The following FAM81A variants were observed in gnomAD, a reference collection of about 807,000 sequenced individuals.
The protein encoded by FAM81A is family with sequence similarity 81 member A.
FAM81A carries 19 observed loss-of-function variants against 46.7 expected under a neutral mutation model. The observed-to-expected ratio is 0.41, with a 90% CI of 0.28 to 0.60. The LOEUF is 0.60. Ranked by LOEUF, FAM81A falls within the 20% of genes least tolerant of loss-of-function variation. The pLI is 0.34. For synonymous variants in FAM81A, 183 were observed against 152.9 expected, an observed-to-expected ratio of 1.20 and a Z score of -1.45; for missense variants, 377 against 453.5, an observed-to-expected ratio of 0.83 and a Z score of 1.53.
chr15:59,415,558 A>G (rs2081143220), intron 2 of FAM81A, among the ~76,000 whole-genome samples: 2 of 152,286 alleles, frequency 1.3e-5, no homozygotes, highest in South Asian at 2.1e-4. Context: ...TCATGTGCCA[A>G]AGAATGCAGG....
At chr15:59,489,790 G>A (rs569866313) in intron 3 of FAM81A, among the ~76,000 whole-genome samples, 1 of 152,190 alleles carries the variant, frequency 6.6e-6, no homozygotes, top group African/African-American at 2.4e-5. Context: ...AAGGAGCCAT[G>A]ATCATGCAAT....
In FAM81A at chr15:59,423,156, G is replaced by T. The variant is rs543016456; in HGVS notation, c.-78+20798G>T. Among the ~76,000 whole-genome samples, 375 of 152,166 alleles carry T rather than the reference G, an allele frequency of 2.5e-3. 2 individuals are homozygous for T. The highest frequency in any genetic ancestry group is 8.7e-3 in the African/African-American group (360 of 41,502). On this transcript the variant is annotated intron_variant, in intron 2 of 4. Transcript: ENST00000558348. ...ACTGTCGCCCAGGCTGGAGTGCAGTGGCGCGATCTCGGCTCACTGCAAGCT... is the reference window on the plus strand; with the variant it reads ...ACTGTCGCCCAGGCTGGAGTGCAGTTGCGCGATCTCGGCTCACTGCAAGCT...
intron 2 of FAM81A, among the ~76,000 whole-genome samples, chr15:59,425,929 A>G (rs535385096): frequency 2.6e-5 from 4 of 152,322 alleles, no homozygotes; most frequent in East Asian, 1.9e-4. Flanking sequence ...TGGCTATTCT[A>G]TTTTTAATGG....
intron 3 of FAM81A, among the ~76,000 whole-genome samples, chr15:59,489,439 C>T (rs1303429519): frequency 6.6e-6 from 1 of 152,038 alleles, no homozygotes; most frequent in Non-Finnish European, 1.5e-5. Flanking sequence ...ATTCCATGTT[C>T]GTGGTTTGGA....
upstream of FAM81A, among the ~76,000 whole-genome samples, chr15:59,434,718 C>G (rs578058143): frequency 1.5e-4 from 23 of 152,298 alleles, 2 homozygotes; most frequent in South Asian, 3.9e-3. Flanking sequence ...CAACGTGTAA[C>G]ACTCCTCCCA....
intron 1 of FAM81A, chr15:59,401,770 A>ATTTTATTTTTTTTTTTTTTTT: frequency 1.4e-6 from 1 of 694,334 alleles, no homozygotes; most frequent in African/African-American, 1.9e-5. Context: ...TCTTTTCAGC[A>ATTTTATTTTTTTTTTTTTTTT]TTTTTTTTTT....
intron 2 of FAM81A, among the ~76,000 whole-genome samples, chr15:59,430,293 C>G (rs1782121310): frequency 9.2e-6 from 1 of 109,120 alleles, no homozygotes; most frequent in East Asian, 3.2e-4. Context: ...GAGATGGAGT[C>G]TTGCTCTGTC....
At chr15:59,434,771 A>T (rs987524945), upstream of FAM81A, among the ~76,000 whole-genome samples, 87 of 152,224 alleles carry the variant, frequency 5.7e-4, no homozygotes, top group African/African-American at 2.1e-3. Flanking sequence ...TGAGGACAAA[A>T]CAAAGTGCTA....
At chr15:59,415,599 A>G (rs993999910) in intron 2 of FAM81A, among the ~76,000 whole-genome samples, 3 of 152,202 alleles carry the variant, frequency 2.0e-5, no homozygotes, top group African/African-American at 7.2e-5. Flanking sequence ...AGGCAAGGAA[A>G]CTAAACTTTT....
At chr15:59,485,268 A>C (rs1052165273) in intron 3 of FAM81A, among the ~76,000 whole-genome samples, 15 of 152,192 alleles carry the variant, frequency 9.9e-5, no homozygotes, top group African/African-American at 3.6e-4. Flanking sequence ...TTGAGTGAAC[A>C]TACGGGTAGC....
At chr15:59,404,774 C>A (rs150265037) in intron 2 of FAM81A, among the ~76,000 whole-genome samples, 1 of 152,208 alleles carries the variant, frequency 6.6e-6, no homozygotes, top group Non-Finnish European at 1.5e-5. Flanking sequence ...TTCACAACAG[C>A]TGGAATAACC....
At position 59,521,554 on chromosome 15, in the gene FAM81A, T is replaced by C; in HGVS notation, c.*176T>C. The C allele has an allele frequency of 1.6e-6, 1 of 609,446 alleles. No homozygotes were observed. The highest frequency in any genetic ancestry group is 3.4e-5 in the East Asian group (1 of 29,090). 37.8% of individuals were successfully genotyped at this position (609,446 alleles called of 1,614,324 possible). ...CTTGAGTCTTGAAAATACTCTTTTG[T>C]TAAAAGTATGAAATACAGTTTTTAC... On this transcript the variant is annotated 3_prime_UTR_variant, in exon 9 of 9. Transcript: ENST00000288228.
chr15:59,488,179 A>G (rs966277123), intron 3 of FAM81A, among the ~76,000 whole-genome samples: 1 of 152,226 alleles, frequency 6.6e-6, no homozygotes, highest in African/African-American at 2.4e-5. Flanking sequence ...GCATATGATC[A>G]TATCAACCGA....
intron 3 of FAM81A, among the ~76,000 whole-genome samples, chr15:59,470,469 A>T (rs1280265397): frequency 1.3e-5 from 2 of 152,044 alleles, no homozygotes; most frequent in Non-Finnish European, 2.9e-5. Context: ...TCAATCACTG[A>T]TACCCTTTCT....
At chr15:59,401,953 A>G (rs2081072892) in intron 1 of FAM81A, 1 of 728,146 alleles carries the variant, frequency 1.4e-6, no homozygotes, top group African/African-American at 1.8e-5. Context: ...TGGTAATCCA[A>G]ACAGTATCCA....
intron 8 of FAM81A, among the ~76,000 whole-genome samples, chr15:59,520,771 G>T (rs1409625363): frequency 1.3e-5 from 2 of 152,088 alleles, no homozygotes; most frequent in African/African-American, 4.8e-5. Context: ...CGCCGTGTTG[G>T]CCAGGCTGGC....
chr15:59,488,372 C>A (rs1346003245), intron 3 of FAM81A, among the ~76,000 whole-genome samples: 1 of 152,074 alleles, frequency 6.6e-6, no homozygotes, highest in Non-Finnish European at 1.5e-5. Flanking sequence ...AAAAAGGATG[C>A]CCACTTTTAC....
chr15:59,510,777 C>CAAAAAAAAAAAAAA (rs71119479), intron 6 of FAM81A, among the ~76,000 whole-genome samples: 4 of 25,780 alleles, frequency 1.6e-4, no homozygotes, highest in African/African-American at 4.8e-4. Flanking sequence ...GACCCTGTCT[C>CAAAAAAAAAAAAAA]AAAAAAAAAA....
intron 1 of FAM81A, among the ~76,000 whole-genome samples, chr15:59,442,729 C>T (rs540101008): frequency 2.0e-5 from 3 of 151,818 alleles, no homozygotes; most frequent in Non-Finnish European, 2.9e-5. Context: ...ATTTTTACCA[C>T]ACTTGTTTTA....
Sources: allele counts gnomAD v4.1 joint callset (sites outside exome capture counted in the v4.1 genomes callset), GRCh38; gene constraint gnomAD v4.1.1; transcripts MANE v1.5; gene names NCBI Gene and HGNC (gene_info 2026-07-23, HGNC 2026-07-21).